Variants in ENTREP2 observed in about 807,000 individuals in gnomAD.
ENTREP2 encodes the protein protein ENTREP2.
chr15:29,367,951 A>C, the ENTREP2 span, among the ~76,000 whole-genome samples: 21 of 152,026 alleles, frequency 1.4e-4, 1 homozygote, highest in African/African-American at 5.1e-4. Flanking sequence ...TTTCAACAAA[A>C]AAAAAAAAAG....
the ENTREP2 span, among the ~76,000 whole-genome samples, chr15:29,309,416 A>G: frequency 6.6e-6 from 1 of 152,134 alleles, no homozygotes; most frequent in South Asian, 2.1e-4. Context: ...ACTCTAGACC[A>G]GGTCTCCCGG....
the ENTREP2 span, among the ~76,000 whole-genome samples, chr15:29,667,896 T>C: frequency 6.6e-6 from 1 of 152,136 alleles, no homozygotes; most frequent in African/African-American, 2.4e-5. Flanking sequence ...TGGCCTGTTT[T>C]CTTCACCCCA....
chr15:29,349,053 G>C, the ENTREP2 span, among the ~76,000 whole-genome samples: 1 of 152,198 alleles, frequency 6.6e-6, no homozygotes, highest in Non-Finnish European at 1.5e-5. Flanking sequence ...GATGATGAAC[G>C]ATTCACAGCT....
chr15:29,582,252 A>G, the ENTREP2 span, among the ~76,000 whole-genome samples: 1 of 152,248 alleles, frequency 6.6e-6, no homozygotes, highest in Non-Finnish European at 1.5e-5. Flanking sequence ...GACATCTGTA[A>G]GCAAAAACAA....
the ENTREP2 span, among the ~76,000 whole-genome samples, chr15:29,642,908 G>A: frequency 1.3e-5 from 2 of 152,044 alleles, no homozygotes; most frequent in Non-Finnish European, 2.9e-5. Flanking sequence ...CATCGCGCCT[G>A]GCCAATAATA....
At chr15:29,454,202 G>A in the ENTREP2 span, among the ~76,000 whole-genome samples, 17 of 152,314 alleles carry the variant, frequency 1.1e-4, no homozygotes, top group African/African-American at 3.8e-4. Flanking sequence ...TACTTGTGAG[G>A]TTTGGTACTT....
the ENTREP2 span, among the ~76,000 whole-genome samples, chr15:29,366,321 C>T: frequency 2.0e-5 from 3 of 152,270 alleles, no homozygotes; most frequent in African/African-American, 4.8e-5. Context: ...GTGATCCACC[C>T]GCCTCGGCCT....
chr15:29,587,227 T>A, the ENTREP2 span, among the ~76,000 whole-genome samples: 1 of 146,398 alleles, frequency 6.8e-6, no homozygotes, highest in East Asian at 2.1e-4. Flanking sequence ...CTAGAAACAA[T>A]GACCAACCCA....
At chr15:29,521,675 G>C in the ENTREP2 span, among the ~76,000 whole-genome samples, 1 of 152,088 alleles carries the variant, frequency 6.6e-6, no homozygotes, top group Admixed American at 6.6e-5. Context: ...GCAGAAAAAG[G>C]GCAAAGTTAT....
chr15:29,463,995 GCCCAGAGT>G, the ENTREP2 span, among the ~76,000 whole-genome samples: 1 of 152,160 alleles, frequency 6.6e-6, no homozygotes, highest in African/African-American at 2.4e-5. Context: ...CATATGAGTT[GCCCAGAGT>G]CATCAAATTC....
At chr15:29,137,198 G>A in the ENTREP2 span, 2 of 1,473,552 alleles carry the variant, frequency 1.4e-6, no homozygotes, top group Non-Finnish European at 1.8e-6. Context: ...GAAGGAACTG[G>A]AAAACAGAGA....
the ENTREP2 span, among the ~76,000 whole-genome samples, chr15:29,585,256 A>G: frequency 2.0e-5 from 3 of 152,340 alleles, no homozygotes; most frequent in South Asian, 2.1e-4. Flanking sequence ...AGGAGTTTCA[A>G]CATCATTCCT....
At chr15:29,206,691 G>A in the ENTREP2 span, among the ~76,000 whole-genome samples, 2 of 152,032 alleles carry the variant, frequency 1.3e-5, no homozygotes, top group East Asian at 1.9e-4. Context: ...GTTTTTTTGA[G>A]GTGATGAAAA....
the ENTREP2 span, among the ~76,000 whole-genome samples, chr15:29,352,658 G>A: frequency 1.3e-5 from 2 of 152,032 alleles, no homozygotes; most frequent in African/African-American, 2.4e-5. Flanking sequence ...CTGTCCTTCC[G>A]CATTCATCCC....
At chr15:29,673,440 G>A in the ENTREP2 span, among the ~76,000 whole-genome samples, 7 of 152,094 alleles carry the variant, frequency 4.6e-5, no homozygotes, top group African/African-American at 1.4e-4. Flanking sequence ...ACGGAAAGTC[G>A]AAGCTGTCCT....
At chr15:29,581,698 C>T in the ENTREP2 span, among the ~76,000 whole-genome samples, 19 of 150,916 alleles carry the variant, frequency 1.3e-4, no homozygotes, top group Admixed American at 8.6e-4. Flanking sequence ...CTATCAAAAT[C>T]CCAGCAAGTT....
chr15:29,249,070 C>T, the ENTREP2 span, among the ~76,000 whole-genome samples: 1 of 152,114 alleles, frequency 6.6e-6, no homozygotes, highest in Admixed American at 6.6e-5. Flanking sequence ...GCCTGTAATC[C>T]CACCAAGGCA....
At chr15:29,654,252 A>G in the ENTREP2 span, among the ~76,000 whole-genome samples, 1 of 152,154 alleles carries the variant, frequency 6.6e-6, no homozygotes, top group Non-Finnish European at 1.5e-5. Context: ...TGTTTTCTCA[A>G]ACTTTCGCAT....
chr15:29,404,559 T>C, the ENTREP2 span, among the ~76,000 whole-genome samples: 2 of 151,656 alleles, frequency 1.3e-5, no homozygotes, highest in Non-Finnish European at 2.9e-5. Context: ...CCCCCTTGCT[T>C]CCTCCCCCAC....
Sources: gnomAD v4.1 joint callset for allele counts (sites outside exome capture counted in the v4.1 genomes callset) on GRCh38, gnomAD v4.1.1 for gene constraint, MANE v1.5 for transcripts, NCBI Gene and HGNC (gene_info 2026-07-23, HGNC 2026-07-21) for gene names.